The following SPTY2D1 variants were observed in gnomAD, a reference collection of about 807,000 sequenced individuals.
SPTY2D1 encodes SPT2 chromatin protein domain containing 1, also known as protein SPT2 homolog.
Under a neutral mutation model 64.0 loss-of-function variants are expected in SPTY2D1, and 21 were observed. That is an observed-to-expected ratio of 0.33 (90% confidence interval 0.23 to 0.47). The LOEUF is 0.47. SPTY2D1 is among the 20% of genes least tolerant of loss of function. SPTY2D1 has a pLI of 1.00. For missense variants in SPTY2D1, 724 were observed against 837.2 expected, an observed-to-expected ratio of 0.86 and a Z score of 1.67; for synonymous variants, 287 against 286.8, an observed-to-expected ratio of 1.00 and a Z score of -0.01.
intron 1 of SPTY2D1, among the ~76,000 whole-genome samples, chr11:18,630,082 T>C (rs1017538150): frequency 2.2e-4 from 34 of 151,916 alleles, no homozygotes; most frequent in African/African-American, 6.0e-4. Flanking sequence ...GCCAAGAGAA[T>C]GGCTTGAACC....
chr11:18,634,004 A>T (rs2134121097), intron 1 of SPTY2D1, among the ~76,000 whole-genome samples, 194 bp downstream of exon 1: 1 of 152,302 alleles, frequency 6.6e-6, no homozygotes, highest in South Asian at 2.1e-4. Flanking sequence ...CATTCACAGG[A>T]AGGCTCCCGC....
At chr11:18,624,844 C>T (rs1051397151) in intron 1 of SPTY2D1, among the ~76,000 whole-genome samples, 1 of 152,090 alleles carries the variant, frequency 6.6e-6, no homozygotes, top group African/African-American at 2.4e-5. Context: ...ACTAAAAATA[C>T]AAAACTACCC....
chr11:18,617,993 G>A (rs1347364271), intron 1 of SPTY2D1, among the ~76,000 whole-genome samples: 1 of 152,066 alleles, frequency 6.6e-6, no homozygotes, highest in East Asian at 1.9e-4. Context: ...ATAAAATTCT[G>A]AGTTTAAAAA....
At chr11:18,627,205 G>A (rs1300862881) in intron 1 of SPTY2D1, among the ~76,000 whole-genome samples, 1 of 141,154 alleles carries the variant, frequency 7.1e-6, no homozygotes, top group African/African-American at 2.7e-5. Flanking sequence ...CTGAGGTCAG[G>A]AATTCGAGAC....
chr11:18,610,377 T>G (rs1005613716), intron 5 of SPTY2D1: 8 of 159,906 alleles, frequency 5.0e-5, no homozygotes, highest in Non-Finnish European at 6.9e-5. Context: ...ATAATAACAT[T>G]ATGGCCGGGC....
chr11:18,607,623 C>G lies in SPTY2D1; in HGVS notation c.*2238G>C, dbSNP rs541661888. On this transcript the variant is annotated 3_prime_UTR_variant, in exon 6 of 6. Coordinates refer to ENST00000336349, the MANE Select transcript of SPTY2D1 (RefSeq NM_194285.3). ...TCCAGTTTCTTCAAAGGTTTGTGAG[C>G]TTTTTATAAGAGTGGTCAGGAAGTG... 1 of 152,618 alleles carries G rather than the reference C, an allele frequency of 6.6e-6. No individual in the cohort carries two copies. The highest frequency in any genetic ancestry group is 2.4e-5 in the African/African-American group (1 of 41,526). The allele number at this position is 152,618 out of a possible 1,614,324, so 9.5% of individuals were successfully genotyped here. A position where few individuals can be genotyped will look rare whatever the true frequency, so the allele number is the denominator to read the frequency against.
At chr11:18,614,420 A>T in intron 3 of SPTY2D1, 143 bp downstream of exon 3, 1 of 838,968 alleles carries the variant, frequency 1.2e-6, no homozygotes, top group Non-Finnish European at 1.8e-6. Flanking sequence ...ACCACAAGGC[A>T]GATAAAACAT....
rs1488625425 is a variant in SPTY2D1, at chr11:18,607,701, A to C, written c.*2160T>G. 1 of 152,314 alleles carries C rather than the reference A, an allele frequency of 6.6e-6. No homozygotes were observed. Among genetic ancestry groups the C allele is most frequent in the Non-Finnish European group, 1.5e-5 (1 of 68,040 alleles). The allele number at this position is 152,314 out of a possible 1,614,324, so 9.4% of individuals were successfully genotyped here. A position where few individuals can be genotyped will look rare whatever the true frequency, so the allele number is the denominator to read the frequency against. On this transcript the variant is annotated 3_prime_UTR_variant, in exon 6 of 6. Transcript: ENST00000336349. Reference sequence around the variant, plus strand: ...TGGAAACAAGGCCAAAATTTAAAAGACTTAACCTTTTTTTTCTTTTAAATG... The same window carrying C: ...TGGAAACAAGGCCAAAATTTAAAAGCCTTAACCTTTTTTTTCTTTTAAATG...
Position 18,609,151 on chromosome 11 carries a change from C to G in SPTY2D1, c.*710G>C, listed in dbSNP as rs1330412428. ...TTGTCTTACACTAAAGCCAACATAA[C>G]AGTAAATCTGAAAGGAAAACTTAGA... is the stretch of plus-strand genomic sequence containing the variant. On this transcript the variant is annotated 3_prime_UTR_variant, in exon 6 of 6. Transcript: ENST00000336349. 6.6e-6 allele frequency: 1 copy of G among 152,146 alleles called. No individual in the cohort carries two copies. Among genetic ancestry groups the G allele is most frequent in the Non-Finnish European group, 1.5e-5 (1 of 68,022 alleles). The allele number at this position is 152,146 out of a possible 1,614,324, so 9.4% of individuals were successfully genotyped here.
In SPTY2D1 at chr11:18,615,892, C is replaced by G. The variant is rs1854291849; in HGVS notation, c.382G>C (p.Glu128Gln). Residue 128 changes from glutamate (E) to glutamine (Q), a missense_variant, in exon 3 of 6, where the codon GAG becomes CAG. Coordinates refer to ENST00000336349, the MANE Select transcript of SPTY2D1 (RefSeq NM_194285.3). ...TGATTGTACTCGAGGAATTCATTCT[C>G]TTCTTCCATTTCATACTCTCGGTCG... is the stretch of plus-strand genomic sequence containing the variant. ...GTDREYEMEEENEFLEYNHAE... is the reference protein window; with the variant it reads ...GTDREYEMEEQNEFLEYNHAE... The G allele has an allele frequency of 1.2e-6, 2 of 1,614,122 alleles. No individual in the cohort carries two copies. Among genetic ancestry groups the G allele is most frequent in the East Asian group, 4.5e-5 (2 of 44,890 alleles).
chr11:18,621,752 T>C (rs1304624408), intron 1 of SPTY2D1, among the ~76,000 whole-genome samples: 2 of 152,188 alleles, frequency 1.3e-5, no homozygotes, highest in African/African-American at 4.8e-5. Flanking sequence ...TTATATGAAC[T>C]GAGCCATAAT....
At chr11:18,616,802 C>T in intron 2 of SPTY2D1, 73 bp downstream of exon 2, 1 of 1,420,950 alleles carries the variant, frequency 7.0e-7, no homozygotes, top group Non-Finnish European at 9.8e-7. Context: ...TTATAGACAG[C>T]CACTGGTTTA....
rs1276042685 is a variant in SPTY2D1, at chr11:18,612,991, C to T, written c.1712-503G>A. Among the ~76,000 whole-genome samples, 3 of 152,034 alleles carry T rather than the reference C, an allele frequency of 2.0e-5. No individual in the cohort carries two copies. Among genetic ancestry groups the T allele is most frequent in the East Asian group, 3.9e-4 (2 of 5,178 alleles). The stretch of plus-strand genomic sequence containing the variant: ...GTTGGTCAGGCTGGTCTCGAACTCC[C>T]GACCTCAGGTGATCTGTCTGCCTTG... On this transcript the variant is annotated intron_variant, in intron 3 of 5. Transcript: ENST00000336349. This position sits in a 1 kb window ranked among gnomAD's most constrained non-coding sequence, Gnocchi z 4.6.
chr11:18,624,284 C>A (rs528056150), intron 1 of SPTY2D1, among the ~76,000 whole-genome samples: 23 of 151,876 alleles, frequency 1.5e-4, no homozygotes, highest in Admixed American at 5.3e-4. Context: ...TTTGGCACTT[C>A]CCCTCGCATC....
chr11:18,612,751 A>C lies in SPTY2D1; in HGVS notation c.1712-263T>G, dbSNP rs986411203. Among the ~76,000 whole-genome samples the C allele has an allele frequency of 2.0e-5, 3 of 151,624 alleles. No individual in the cohort carries two copies. Among genetic ancestry groups the C allele is most frequent in the Admixed American group, 2.0e-4 (3 of 15,228 alleles). On this transcript the variant is annotated intron_variant, in intron 3 of 5. Coordinates refer to ENST00000336349, the MANE Select transcript of SPTY2D1 (RefSeq NM_194285.3). This position sits in a 1 kb window ranked among gnomAD's most constrained non-coding sequence, Gnocchi z 4.6. ...CCAATATTTCTGAATTTATAAGATC[A>C]GTAAAATTTCTTTCTTTCTTTTTTT...
At chr11:18,634,063 A>C in intron 1 of SPTY2D1, 135 bp downstream of exon 1, 1 of 960,456 alleles carries the variant, frequency 1.0e-6, no homozygotes, top group Non-Finnish European at 1.6e-6. Context: ...TATAAACCCA[A>C]GAAAAGGAAA....
chr11:18,618,721 G>A (rs533283066), intron 1 of SPTY2D1, among the ~76,000 whole-genome samples: 3 of 152,316 alleles, frequency 2.0e-5, no homozygotes, highest in Non-Finnish European at 2.9e-5. Context: ...TCCCAAATAT[G>A]TATGAAATTC....
rs964423597 is a variant in SPTY2D1, at chr11:18,606,987, G to A, written c.*2874C>T. 1.7e-5 allele frequency: 5 copies of A among 288,186 alleles called. No homozygotes were observed. The highest frequency in any genetic ancestry group is 3.2e-5 in the Non-Finnish European group (5 of 154,234). The allele number at this position is 288,186 out of a possible 1,614,324, so 17.9% of individuals were successfully genotyped here. The stretch of plus-strand genomic sequence containing the variant: ...GCGATTCTCCTGCCTCAGCCTCCCC[G>A]GTAGCTGGGATTACAGGTGTGTGCC... On this transcript the variant is annotated 3_prime_UTR_variant, in exon 6 of 6. Coordinates refer to ENST00000336349, the MANE Select transcript of SPTY2D1 (RefSeq NM_194285.3).
At chr11:18,627,428 C>T (rs1854515507) in intron 1 of SPTY2D1, among the ~76,000 whole-genome samples, 2 of 151,334 alleles carry the variant, frequency 1.3e-5, no homozygotes, top group African/African-American at 4.9e-5. Context: ...AAGACTCCAT[C>T]TCCAAAAACA....
Sources: allele counts gnomAD v4.1 joint callset (sites outside exome capture counted in the v4.1 genomes callset), GRCh38; gene constraint gnomAD v4.1.1; non-coding constraint Gnocchi (gnomAD v3.1); transcripts MANE v1.5; gene names NCBI Gene and HGNC (gene_info 2026-07-23, HGNC 2026-07-21).